ZMYND8: variants seen among roughly 807,000 people sequenced by gnomAD.
ZMYND8 encodes zinc finger MYND-type containing 8.
Under a neutral mutation model 140.8 loss-of-function variants are expected in ZMYND8, and 37 were observed. The ratio of observed to expected loss-of-function variants is 0.26; its 90% CI spans 0.20 to 0.35. The LOEUF (loss-of-function observed/expected upper bound fraction) is 0.35. ZMYND8 is among the 10% of genes least tolerant of loss of function. The probability of loss-of-function intolerance (pLI) is 1.00; values close to 1 mark genes in which losing one functional copy is unlikely to be tolerated. For missense variants in ZMYND8, 1,068 were observed against 1,570.0 expected, an observed-to-expected ratio of 0.68 and a Z score of 5.40; for synonymous variants, 592 against 597.1, an observed-to-expected ratio of 0.99 and a Z score of 0.12.
At chr20:47,316,224 AG>A (rs2079384756) in intron 2 of ZMYND8, among the ~76,000 whole-genome samples, 1 of 151,710 alleles carries the variant, frequency 6.6e-6, no homozygotes, top group Admixed American at 6.6e-5. Context: ...CCAGCTACTC[AG>A]GAGGCTGAGG....
chr20:47,347,997 A>C (rs143835748), intron 1 of ZMYND8, 71 bp from the exon 2 acceptor site: 4 of 1,465,974 alleles, frequency 2.7e-6, no homozygotes, highest in East Asian at 4.5e-5. Flanking sequence ...GCTATTTGGA[A>C]GTTCTAGCAA....
chr20:47,315,512 G>T (rs1023438801), intron 2 of ZMYND8, among the ~76,000 whole-genome samples: 10 of 152,008 alleles, frequency 6.6e-5, no homozygotes, highest in African/African-American at 1.5e-4. Context: ...GAGACAGCAG[G>T]GGGGCATTAT....
At chr20:47,331,437 G>C (rs1444700084) in intron 2 of ZMYND8, among the ~76,000 whole-genome samples, 4 of 152,172 alleles carry the variant, frequency 2.6e-5, no homozygotes, top group Non-Finnish European at 1.5e-5. Context: ...ATCTCTCATG[G>C]ACATCTTGAG....
chr20:47,294,599 A>G, intron 5 of ZMYND8, 67 bp downstream of exon 5: 1 of 1,481,356 alleles, frequency 6.8e-7, no homozygotes, highest in Non-Finnish European at 9.4e-7. Context: ...AAGCTAAGCT[A>G]TTAACAGAAC....
At chr20:47,291,911 A>AG (rs775710749) in intron 5 of ZMYND8, 23 bp from the exon 6 acceptor site, 20 of 1,593,688 alleles carry the variant, frequency 1.3e-5, no homozygotes, top group Non-Finnish European at 1.7e-5. Context: ...AGATATGCAG[A>AG]GGAACGAACC....
intron 14 of ZMYND8, among the ~76,000 whole-genome samples, chr20:47,239,637 G>GT (rs544897074): frequency 3.3e-5 from 5 of 152,222 alleles, no homozygotes; most frequent in Non-Finnish European, 7.3e-5. Flanking sequence ...GGCCAAAGCA[G>GT]TAACACTCAG....
chr20:47,256,202 A>G (rs2074701805), intron 12 of ZMYND8, among the ~76,000 whole-genome samples: 1 of 149,814 alleles, frequency 6.7e-6, no homozygotes, highest in African/African-American at 2.5e-5. Context: ...CTAGCTGGCC[A>G]GGCATGGTGG....
chr20:47,255,695 A>G (rs1456349723), intron 12 of ZMYND8, among the ~76,000 whole-genome samples: 1 of 128,658 alleles, frequency 7.8e-6, no homozygotes, highest in Non-Finnish European at 1.6e-5. Flanking sequence ...GTGTGTATAT[A>G]TATATATATA....
At chr20:47,315,336 C>G (rs2079294214) in intron 2 of ZMYND8, among the ~76,000 whole-genome samples, 1 of 152,164 alleles carries the variant, frequency 6.6e-6, no homozygotes, top group African/African-American at 2.4e-5. Context: ...TTACAAACAC[C>G]AATTCCCCCT....
intron 21 of ZMYND8, among the ~76,000 whole-genome samples, chr20:47,217,565 G>T (rs1018158129): frequency 6.6e-6 from 1 of 152,034 alleles, no homozygotes; most frequent in African/African-American, 2.4e-5. Flanking sequence ...CCCTCTGACT[G>T]TGCCCCCAAA....
At chr20:47,322,128 T>C (rs546667858) in intron 2 of ZMYND8, among the ~76,000 whole-genome samples, 3 of 152,272 alleles carry the variant, frequency 2.0e-5, no homozygotes, top group South Asian at 4.1e-4. Context: ...CCCAAAGTGC[T>C]GGGATTACAG....
chr20:47,212,505 C>T, intron 22 of ZMYND8, 137 bp downstream of exon 22: 1 of 973,116 alleles, frequency 1.0e-6, no homozygotes, highest in Non-Finnish European at 1.6e-6. Flanking sequence ...AGAAACGTTG[C>T]AAAGGAAGAC....
At chr20:47,319,728 C>G (rs1185790125) in intron 2 of ZMYND8, 1 of 152,266 alleles carries the variant, frequency 6.6e-6, no homozygotes, top group Non-Finnish European at 1.5e-5. Context: ...TTCTCCTCCC[C>G]AGCTGGGATG....
At chr20:47,270,073 A>T (rs1026292505) in intron 11 of ZMYND8, among the ~76,000 whole-genome samples, 2 of 152,044 alleles carry the variant, frequency 1.3e-5, no homozygotes, top group African/African-American at 4.8e-5. Flanking sequence ...GCAAGACATC[A>T]TCTATACTAG....
intron 2 of ZMYND8, 114 bp from the exon 3 acceptor site, chr20:47,310,318 C>T: frequency 1.6e-6 from 2 of 1,265,584 alleles, no homozygotes; most frequent in Admixed American, 2.5e-5. Context: ...TCCCCCAACT[C>T]CCGAAGCCAC....
chr20:47,285,790 C>T, intron 8 of ZMYND8: 1 of 984,690 alleles, frequency 1.0e-6, no homozygotes, highest in Non-Finnish European at 1.2e-6. Flanking sequence ...TACTATACAG[C>T]CATGAAAAAT....
At chr20:47,275,955 T>C (rs1204453042) in intron 11 of ZMYND8, among the ~76,000 whole-genome samples, 1 of 152,222 alleles carries the variant, frequency 6.6e-6, no homozygotes, top group Non-Finnish European at 1.5e-5. Context: ...TTGCACTGTT[T>C]AATATGAATG....
At chr20:47,309,269 G>T (rs185317275) in intron 3 of ZMYND8, among the ~76,000 whole-genome samples, 1 of 152,138 alleles carries the variant, frequency 6.6e-6, no homozygotes, top group Admixed American at 6.5e-5. Flanking sequence ...ACCTAAGCCT[G>T]CCCCTGGCAA....
Position 47,210,848 on chromosome 20 carries a change from C to T in ZMYND8, c.3618G>A (p.Arg1206=), listed in dbSNP as rs770062031. 3 of 1,614,048 alleles carry T rather than the reference C, an allele frequency of 1.9e-6. No individual in the cohort carries two copies. The highest frequency in any genetic ancestry group is 2.2e-5 in the South Asian group (2 of 91,066). ...KSSWSSSDEK[R]GSTRSDHNTS... ...TGTTGTGATCGGAACGTGTCGATCC[C>T]CTCTTCTCATCACTGCTGCTCCAAC... Residue 1206 remains arginine, a synonymous_variant, in exon 23 of 23, where the codon AGG becomes AGA. Coordinates refer to ENST00000471951, the MANE Select transcript of ZMYND8 (RefSeq NM_001281775.3).
Sources: gnomAD v4.1 joint callset for allele counts (sites outside exome capture counted in the v4.1 genomes callset) on GRCh38, gnomAD v4.1.1 for gene constraint, MANE v1.5 for transcripts, NCBI Gene and HGNC (gene_info 2026-07-23, HGNC 2026-07-21) for gene names.